The following DNM1L variants were observed in gnomAD, a reference collection of about 807,000 sequenced individuals.
DNM1L encodes the protein dynamin-1-like protein.
DNM1L carries 33 observed loss-of-function variants against 92.8 expected under a neutral mutation model. The observed-to-expected ratio is 0.36, with a 90% CI of 0.27 to 0.48. The LOEUF is 0.48. DNM1L is among the 20% of genes least tolerant of loss of function. The pLI is 0.99. For synonymous variants in DNM1L, 284 were observed against 305.0 expected, an observed-to-expected ratio of 0.93 and a Z score of 0.72; for missense variants, 485 against 888.8, an observed-to-expected ratio of 0.55 and a Z score of 5.78.
chr12:32,712,498 A>C (rs528549945), intron 5 of DNM1L, among the ~76,000 whole-genome samples: 1 of 151,920 alleles, frequency 6.6e-6, no homozygotes, highest in African/African-American at 2.4e-5. Flanking sequence ...TCATAATCCT[A>C]ATGGCCAGGT....
At position 32,743,187 on chromosome 12, in the gene DNM1L, G is replaced by A. The variant is rs573471402; in HGVS notation, c.2155-167G>A. ...TGGGATTACAGGCATGAGCCACTGC[G>A]CCTGGCCGGTACTTGATTAGATTCT... On this transcript the variant is annotated intron_variant, in intron 19 of 19. Coordinates refer to ENST00000549701, the MANE Select transcript of DNM1L (RefSeq NM_012062.5). Among the ~76,000 whole-genome samples the A allele has an allele frequency of 4.6e-5, 7 of 152,010 alleles. 1 individual carries two copies. The highest frequency in any genetic ancestry group is 6.3e-3 in the Middle Eastern group (2 of 316).
At chr12:32,682,424 G>A (rs571238610) in intron 1 of DNM1L, among the ~76,000 whole-genome samples, 3 of 152,214 alleles carry the variant, frequency 2.0e-5, no homozygotes, top group South Asian at 2.1e-4. Context: ...GAACCACCCC[G>A]CCTGGCCTAA....
Position 32,744,495 on chromosome 12 carries a change from C to T in DNM1L, c.*1085C>T, listed in dbSNP as rs1303427427. On this transcript the variant is annotated 3_prime_UTR_variant, in exon 20 of 20. Transcript: ENST00000549701. ...TTGGGAGGCCGAGGCAGGTGGATCACCTGAGGTTGGGAGTTGGAGACCAGC... is the reference window on the plus strand; with the variant it reads ...TTGGGAGGCCGAGGCAGGTGGATCATCTGAGGTTGGGAGTTGGAGACCAGC... The T allele has an allele frequency of 1.1e-5, 2 of 174,376 alleles. No individual in the cohort carries two copies. The highest frequency in any genetic ancestry group is 4.8e-5 in the African/African-American group (2 of 41,608). 10.8% of individuals were successfully genotyped at this position (174,376 alleles called of 1,614,324 possible). A position where few individuals can be genotyped will look rare whatever the true frequency, so the allele number is the denominator to read the frequency against.
intron 1 of DNM1L, among the ~76,000 whole-genome samples, chr12:32,700,278 C>A (rs1447897101): frequency 1.3e-5 from 2 of 152,014 alleles, no homozygotes; most frequent in African/African-American, 2.4e-5. Flanking sequence ...TGCCACCACA[C>A]CCAGCTAATT....
At chr12:32,739,683 G>A (rs984651891) in intron 16 of DNM1L, among the ~76,000 whole-genome samples, 1 of 152,164 alleles carries the variant, frequency 6.6e-6, no homozygotes, top group Non-Finnish European at 1.5e-5. Context: ...AAATTAAACT[G>A]AATAGCAGTT....
At chr12:32,703,964 A>T (rs79843348) in intron 2 of DNM1L, among the ~76,000 whole-genome samples, 22 of 152,256 alleles carry the variant, frequency 1.4e-4, no homozygotes, top group Non-Finnish European at 2.5e-4. Flanking sequence ...TTTTCTGTTA[A>T]ATTTTTATTA....
chr12:32,740,301 T>C lies in DNM1L; in HGVS notation c.1884+61T>C, dbSNP rs1262670475. On this transcript the variant is annotated intron_variant, in intron 17 of 19. Transcript: ENST00000549701. ...GGTGACCAAGTTAGTAGGAAAACGA[T>C]TAGACAGAAAGAACTAAAAGTCTCA... is the stretch of plus-strand genomic sequence containing the variant. The C allele has an allele frequency of 2.9e-5, 46 of 1,612,728 alleles. No individual in the cohort carries two copies. In the South Asian group the frequency reaches 4.8e-4, roughly 17 times the overall value.
At chr12:32,723,405 A>G (rs1156540317) in intron 9 of DNM1L, among the ~76,000 whole-genome samples, 1 of 152,230 alleles carries the variant, frequency 6.6e-6, no homozygotes, top group African/African-American at 2.4e-5. Context: ...TTCGTTAAAA[A>G]TGGGATTCTG....
At chr12:32,704,538 A>G (rs1952844383) in intron 2 of DNM1L, among the ~76,000 whole-genome samples, 1 of 124,262 alleles carries the variant, frequency 8.0e-6, no homozygotes, top group African/African-American at 2.9e-5. Context: ...CAACAGAGCA[A>G]GACTCCGTCT....
At chr12:32,686,526 T>A (rs1592563194) in intron 1 of DNM1L, among the ~76,000 whole-genome samples, 1 of 152,342 alleles carries the variant, frequency 6.6e-6, no homozygotes, top group South Asian at 2.1e-4. Context: ...TAAACCACAT[T>A]GGTTTATTCA....
At chr12:32,718,617 C>G (rs775169434) in intron 6 of DNM1L, 26 bp from the exon 7 acceptor site, 8 of 1,612,730 alleles carry the variant, frequency 5.0e-6, no homozygotes, top group Non-Finnish European at 6.8e-6. Flanking sequence ...CTTTTCTTTG[C>G]CCTTTTTTCT....
chr12:32,729,013 G>A (rs902212950), intron 9 of DNM1L: 2 of 151,970 alleles, frequency 1.3e-5, no homozygotes, highest in East Asian at 1.9e-4. Context: ...GGATGGTCTC[G>A]ATCTCATGAA....
intron 2 of DNM1L, chr12:32,705,270 T>G (rs964350982): frequency 6.6e-6 from 1 of 152,280 alleles, no homozygotes; most frequent in Non-Finnish European, 1.5e-5. Flanking sequence ...CTCAAAGTGC[T>G]GAGATTAGAA....
intron 1 of DNM1L, among the ~76,000 whole-genome samples, chr12:32,681,041 C>T (rs993691105): frequency 6.6e-6 from 1 of 152,010 alleles, no homozygotes; most frequent in Non-Finnish European, 1.5e-5. Context: ...TCTTTTTACA[C>T]AAAATAGAGT....
rs1199253640 is a variant in DNM1L at position 32,744,318 on chromosome 12, G to A, written c.*908G>A. 2 of 152,818 alleles carry A rather than the reference G, an allele frequency of 1.3e-5. No individual in the cohort carries two copies. The highest frequency in any genetic ancestry group is 2.9e-5 in the Non-Finnish European group (2 of 68,568). The allele number at this position is 152,818 out of a possible 1,614,324, so 9.5% of individuals were successfully genotyped here. A position where few individuals can be genotyped will look rare whatever the true frequency, so the allele number is the denominator to read the frequency against. Reference sequence around the variant, plus strand: ...CTTTGAGGTGGAACTTAAAACCAGTGTACTGTATGTATGCATTGGTAATAG... The same window carrying A: ...CTTTGAGGTGGAACTTAAAACCAGTATACTGTATGTATGCATTGGTAATAG... On this transcript the variant is annotated 3_prime_UTR_variant, in exon 20 of 20. Coordinates refer to ENST00000549701, the MANE Select transcript of DNM1L (RefSeq NM_012062.5).
intron 9 of DNM1L, among the ~76,000 whole-genome samples, chr12:32,730,800 A>G (rs1954507851): frequency 6.6e-6 from 1 of 152,218 alleles, no homozygotes; most frequent in Admixed American, 6.5e-5. Flanking sequence ...TTACATATAT[A>G]TAATTTAATG....
chr12:32,738,021 T>C, intron 15 of DNM1L, 79 bp downstream of exon 15: 1 of 1,442,506 alleles, frequency 6.9e-7, no homozygotes, highest in East Asian at 2.3e-5. Flanking sequence ...ATACACTGAA[T>C]AGAAGAATAT....
chr12:32,699,796 CA>C (rs34943495), intron 1 of DNM1L, among the ~76,000 whole-genome samples: 791 of 73,454 alleles, frequency 0.011, no homozygotes, highest in African/African-American at 0.032. Context: ...GACTCCATCT[CA>C]AAAAAAAAAA....
intron 14 of DNM1L, 107 bp from the exon 15 acceptor site, chr12:32,737,758 G>A: frequency 1.2e-6 from 1 of 837,548 alleles, no homozygotes; most frequent in Non-Finnish European, 2.0e-6. Context: ...CATCTTTCAT[G>A]TTATTTTACG....
Sources: gnomAD v4.1 joint callset for allele counts (sites outside exome capture counted in the v4.1 genomes callset) on GRCh38, gnomAD v4.1.1 for gene constraint, MANE v1.5 for transcripts, NCBI Gene and HGNC (gene_info 2026-07-23, HGNC 2026-07-21) for gene names.